The following SMC1A variants were observed in gnomAD, a reference collection of about 807,000 sequenced individuals.
The protein encoded by SMC1A is structural maintenance of chromosomes 1A.
A neutral mutation model predicts 94.5 loss-of-function variants in SMC1A; 4 were observed. The observed-to-expected ratio is 0.04, with a 90% CI of 0.02 to 0.10. The LOEUF (loss-of-function observed/expected upper bound fraction) is 0.10. SMC1A is among the 10% of genes least tolerant of loss of function. The probability of loss-of-function intolerance (pLI) is 1.00; values close to 1 mark genes in which losing one functional copy is unlikely to be tolerated. For synonymous variants in SMC1A, 345 were observed against 347.7 expected, an observed-to-expected ratio of 0.99 and a Z score of 0.09; for missense variants, 304 against 989.0, an observed-to-expected ratio of 0.31 and a Z score of 9.29.
chrX:53,410,003 G>A (rs781850655), intron 7 of SMC1A, among the ~76,000 whole-genome samples: 2 of 112,020 alleles, frequency 1.8e-5, no homozygotes, highest in South Asian at 3.7e-4. Flanking sequence ...GATCCACCAC[G>A]CCTGGCCAAC....
rs181971082 is a variant in SMC1A at position 53,395,366 on chromosome X, A to T, written c.2863-478T>A. ...TCAAAAAATAAAAATAAAAATAAATAAAAAAAATTTGAGGTCTACACTTAC... is the reference window on the plus strand; with the variant it reads ...TCAAAAAATAAAAATAAAAATAAATTAAAAAAATTTGAGGTCTACACTTAC... On this transcript the variant is annotated intron_variant, in intron 18 of 24. Coordinates refer to ENST00000322213, the MANE Select transcript of SMC1A (RefSeq NM_006306.4). Among the ~76,000 whole-genome samples the T allele has an allele frequency of 4.3e-3, 474 of 111,076 alleles. 2 individuals are homozygous for T. Among genetic ancestry groups the T allele is most frequent in the Non-Finnish European group, 7.5e-3 (397 of 52,881 alleles).
chrX:53,394,596 T>A (rs781896740), intron 19 of SMC1A, among the ~76,000 whole-genome samples, 182 bp downstream of exon 19: 7 of 110,781 alleles, frequency 6.3e-5, no homozygotes, highest in African/African-American at 2.0e-4. Context: ...TCTGTTTGAA[T>A]ATATGAGGTG....
chrX:53,407,410 C>T lies in SMC1A; in HGVS notation c.1546-1454G>A, dbSNP rs148162781. On this transcript the variant is annotated intron_variant, in intron 9 of 24. Transcript: ENST00000322213. ...GCCCAGATTGGGCATGGAAGCTTCA[C>T]ATCTCTTCTCCCATACCTTGCCTTA... 6.8e-3 allele frequency among the ~76,000 whole-genome samples: 768 copies of T among 112,657 alleles called. 2 individuals are homozygous for T. The highest frequency in any genetic ancestry group is 0.024 in the African/African-American group (742 of 31,021).
rs1460905675 is a variant in SMC1A at position 53,396,690 on chromosome X, C to G, written c.2563-73G>C. 2.6e-5 allele frequency: 28 copies of G among 1,097,087 alleles called. No individual in the cohort carries two copies. The African/African-American group carries it at 5.1e-4, about 20-fold the overall frequency. The allele number at this position is 1,097,087 out of a possible 1,213,427, so 90.4% of individuals were successfully genotyped here. On this transcript the variant is annotated intron_variant, in intron 16 of 24. Coordinates refer to ENST00000322213, the MANE Select transcript of SMC1A (RefSeq NM_006306.4). Reference sequence around the variant, plus strand: ...CTTACCCTGGGATATTCTCCTGCTCCCACCCTTCCTACTAGGCAGTTTATT... The same window carrying G: ...CTTACCCTGGGATATTCTCCTGCTCGCACCCTTCCTACTAGGCAGTTTATT...
At chrX:53,384,993 A>G (rs924315044) in intron 19 of SMC1A, among the ~76,000 whole-genome samples, 2 of 108,031 alleles carry the variant, frequency 1.9e-5, no homozygotes, top group Non-Finnish European at 1.9e-5. Flanking sequence ...GCTAAAAAAA[A>G]TATATATATA....
chrX:53,402,332 TG>T (rs1556889014), intron 15 of SMC1A, among the ~76,000 whole-genome samples: 3 of 110,600 alleles, frequency 2.7e-5, no homozygotes, highest in Non-Finnish European at 5.7e-5. Context: ...CAAGACAACC[TG>T]GCACAAGGTA....
At position 53,380,737 on chromosome X, in the gene SMC1A, G is replaced by A. The variant is rs1556885775; in HGVS notation, c.3508-7C>T. On this transcript the variant is annotated splice_region_variant and splice_polypyrimidine_tract_variant and intron_variant, in intron 23 of 24. Transcript: ENST00000322213. ...CCTTGATGTAATTTGCCACCTGTGG[G>A]AAAGGCCGCCAGGCACTTAGCAAGG... 8.7e-7 allele frequency: 1 copy of A among 1,155,649 alleles called. No homozygotes were observed. Among genetic ancestry groups the A allele is most frequent in the East Asian group, 3.0e-5 (1 of 33,639 alleles).
chrX:53,392,837 G>A (rs782367033), intron 19 of SMC1A, among the ~76,000 whole-genome samples: 22 of 111,762 alleles, frequency 2.0e-4, no homozygotes, highest in Non-Finnish European at 4.1e-4. Flanking sequence ...CACTGTGCCC[G>A]GCCCTAAATA....
chrX:53,402,664 A>T (rs2075674782), intron 15 of SMC1A, among the ~76,000 whole-genome samples: 1 of 103,825 alleles, frequency 9.6e-6, no homozygotes, highest in Non-Finnish European at 2.0e-5. Flanking sequence ...GGAGTTCGAG[A>T]TCAGTCTGGC....
At chrX:53,388,277 G>T (rs2075613387) in intron 19 of SMC1A, among the ~76,000 whole-genome samples, 1 of 111,376 alleles carries the variant, frequency 9.0e-6, no homozygotes, top group Non-Finnish European at 1.9e-5. Context: ...GTTGCCAGTA[G>T]CCACATGTGG....
At chrX:53,406,157 T>C (rs2075690344) in intron 9 of SMC1A, among the ~76,000 whole-genome samples, 1 of 111,074 alleles carries the variant, frequency 9.0e-6, no homozygotes, top group Non-Finnish European at 1.9e-5. Flanking sequence ...GAGGTTGCAA[T>C]GGGAGGACAG....
intron 9 of SMC1A, 141 bp from the exon 10 acceptor site, chrX:53,406,097 T>C: frequency 1.7e-6 from 1 of 583,929 alleles, no homozygotes; most frequent in Non-Finnish European, 2.8e-6. Context: ...GTGGTTAAGA[T>C]AACCCAATAC....
At chrX:53,409,317 C>T in intron 8 of SMC1A, 48 bp from the exon 9 acceptor site, 1 of 1,184,222 alleles carries the variant, frequency 8.4e-7, no homozygotes, top group Non-Finnish European at 1.1e-6. Context: ...TGAGAAAATA[C>T]TCCTGGCTCA....
At chrX:53,410,797 G>A (rs1032268328) in intron 7 of SMC1A, among the ~76,000 whole-genome samples, 10 of 104,740 alleles carry the variant, frequency 9.5e-5, no homozygotes, top group East Asian at 2.9e-4. Flanking sequence ...GAGAAACTGC[G>A]TCTCAAAAAA....
At chrX:53,392,446 A>G (rs143437146) in intron 19 of SMC1A, among the ~76,000 whole-genome samples, 1 of 110,532 alleles carries the variant, frequency 9.0e-6, no homozygotes, top group Non-Finnish European at 1.9e-5. Context: ...TTGGTTAACT[A>G]CATCCCTGTG....
intron 1 of SMC1A, chrX:53,422,007 A>G: frequency 8.3e-7 from 1 of 1,209,917 alleles, no homozygotes; most frequent in Non-Finnish European, 1.1e-6. Flanking sequence ...AAGGAGTTGG[A>G]GTGTACCAAT....
chrX:53,409,273 C>G lies in SMC1A; in HGVS notation c.1338-4G>C. 2.5e-6 allele frequency: 3 copies of G among 1,204,555 alleles called. No individual in the cohort carries two copies. The South Asian group carries it at 5.3e-5, about 21-fold the overall frequency. On this transcript the variant is annotated splice_region_variant and splice_polypyrimidine_tract_variant and intron_variant, in intron 8 of 24. Transcript: ENST00000322213. ...CTTCTGCTCTTCTAGGGACTGCCTA[C>G]AAAGTGAGGGCACACAGGAGTTACT...
chrX:53,399,828 C>T, intron 15 of SMC1A, 98 bp from the exon 16 acceptor site: 3 of 848,974 alleles, frequency 3.5e-6, no homozygotes, highest in Non-Finnish European at 5.1e-6. Context: ...AAACTAGACC[C>T]AGGGCTCAGG....
intron 19 of SMC1A, among the ~76,000 whole-genome samples, chrX:53,393,926 G>A (rs1037690066): frequency 9.1e-6 from 1 of 110,051 alleles, no homozygotes; most frequent in Admixed American, 9.8e-5. Flanking sequence ...GGAGGCCAAG[G>A]TAGGCAGATC....
Sources: allele counts gnomAD v4.1 joint callset (sites outside exome capture counted in the v4.1 genomes callset), GRCh38; gene constraint gnomAD v4.1.1; transcripts MANE v1.5; gene names NCBI Gene and HGNC (gene_info 2026-07-23, HGNC 2026-07-21).